The following ZDHHC21 variants were observed in gnomAD, a reference collection of about 807,000 sequenced individuals.
ZDHHC21 encodes the protein palmitoyltransferase ZDHHC21.
ZDHHC21 carries 15 observed loss-of-function variants against 34.6 expected under a neutral mutation model. That is an observed-to-expected ratio of 0.43 (90% CI 0.29 to 0.67). The LOEUF (loss-of-function observed/expected upper bound fraction) is 0.67, where lower values mean the gene tolerates loss of function less well. Among genes scored for constraint, ZDHHC21 ranks in the 30% least tolerant of loss-of-function variants. The pLI is 0.14. For missense variants in ZDHHC21, 344 were observed against 327.7 expected (o/e 1.05, Z -0.38); for synonymous variants, 142 against 101.8 (o/e 1.40, Z -2.38).
chr9:14,679,815 T>C (rs1204509315), intron 3 of ZDHHC21, among the ~76,000 whole-genome samples: 1 of 152,154 alleles, frequency 6.6e-6, no homozygotes, highest in Non-Finnish European at 1.5e-5. Context: ...GAAAGATGTT[T>C]CTGAAACTCA....
chr9:14,638,687 AC>A (rs1387320638), intron 8 of ZDHHC21, among the ~76,000 whole-genome samples: 1 of 151,938 alleles, frequency 6.6e-6, no homozygotes. Context: ...AAAAAAAGGT[AC>A]CATTAAAAAG....
At chr9:14,608,759 G>T (rs1404005465), downstream of ZDHHC21, among the ~76,000 whole-genome samples, 1 of 151,298 alleles carries the variant, frequency 6.6e-6, no homozygotes, top group Non-Finnish European at 1.5e-5. Flanking sequence ...AATTGCTCTT[G>T]CACGCTAATA....
chr9:14,597,587 G>A, the ZDHHC21 span, among the ~76,000 whole-genome samples: 4 of 152,134 alleles, frequency 2.6e-5, no homozygotes, highest in South Asian at 2.1e-4. Flanking sequence ...GTGCCACGCA[G>A]AGGCCTGAGG....
At chr9:14,642,182 A>T (rs1167522673) in intron 7 of ZDHHC21, among the ~76,000 whole-genome samples, 1 of 152,234 alleles carries the variant, frequency 6.6e-6, no homozygotes, top group African/African-American at 2.4e-5. Context: ...TAGTAAAAAA[A>T]CTTTAATCTA....
At chr9:14,659,447 T>G (rs933879836) in intron 6 of ZDHHC21, among the ~76,000 whole-genome samples, 5 of 152,192 alleles carry the variant, frequency 3.3e-5, no homozygotes, top group African/African-American at 1.2e-4. Flanking sequence ...CACACAGCTA[T>G]ACTTCCACCA....
rs368849840 is a variant in ZDHHC21, at chr9:14,637,675, G to A, written c.621+2221C>T. Among the ~76,000 whole-genome samples the A allele has an allele frequency of 8.6e-5, 13 of 151,706 alleles. No individual in the cohort carries two copies. In the South Asian group the frequency reaches 1.2e-3, roughly 15 times the overall value. ...ACTCTTCAATCTGATAATTAAATTC[G>A]GTAAAGTCACAGGATACAAAATCAG... On this transcript the variant is annotated intron_variant, in intron 8 of 9. Coordinates refer to ENST00000380916, the MANE Select transcript of ZDHHC21 (RefSeq NM_178566.6).
intron 8 of ZDHHC21, among the ~76,000 whole-genome samples, chr9:14,637,732 T>C (rs1282854799): frequency 1.3e-5 from 2 of 151,996 alleles, no homozygotes; most frequent in East Asian, 3.9e-4. Flanking sequence ...GTAGCGTTTC[T>C]ATACACCAAT....
chr9:14,594,160 GT>G, the ZDHHC21 span: 1 of 152,140 alleles, frequency 6.6e-6, no homozygotes, highest in Non-Finnish European at 1.5e-5. Context: ...GATGTAGATA[GT>G]TCCTACTATG....
At chr9:14,683,889 G>A (rs1410767129) in intron 2 of ZDHHC21, among the ~76,000 whole-genome samples, 1 of 152,100 alleles carries the variant, frequency 6.6e-6, no homozygotes, top group Non-Finnish European at 1.5e-5. Flanking sequence ...ATGCAAGGCT[G>A]GTTCAACATA....
intron 7 of ZDHHC21, among the ~76,000 whole-genome samples, chr9:14,650,123 T>C (rs1274867438): frequency 1.3e-5 from 2 of 152,008 alleles, no homozygotes; most frequent in Non-Finnish European, 2.9e-5. Flanking sequence ...TTAAGATTTA[T>C]TATAAGGTTT....
chr9:14,603,095 T>C, the ZDHHC21 span, among the ~76,000 whole-genome samples: 1 of 152,086 alleles, frequency 6.6e-6, no homozygotes, highest in Non-Finnish European at 1.5e-5. Context: ...GGTGATTGAA[T>C]ATTCCATATT....
In ZDHHC21 at chr9:14,634,928, A is replaced by C. The variant is rs569192982; in HGVS notation, c.621+4968T>G. Among the ~76,000 whole-genome samples the C allele has an allele frequency of 1.2e-3, 182 of 152,260 alleles. 1 individual carries two copies. The highest frequency in any genetic ancestry group is 4.1e-3 in the African/African-American group (169 of 41,574). On this transcript the variant is annotated intron_variant, in intron 8 of 9. Transcript: ENST00000380916. ...CTCATTGAGATAAAGATAATACAGA[A>C]AATATGAAGCAATTAGAAAAACAAT...
chr9:14,662,596 T>C (rs1833608192), intron 5 of ZDHHC21, among the ~76,000 whole-genome samples: 1 of 152,214 alleles, frequency 6.6e-6, no homozygotes, highest in South Asian at 2.1e-4. Flanking sequence ...TGTATTTGGA[T>C]TCTGGGTATA....
At chr9:14,600,904 G>A in the ZDHHC21 span, among the ~76,000 whole-genome samples, 2 of 152,146 alleles carry the variant, frequency 1.3e-5, no homozygotes, top group African/African-American at 4.8e-5. Context: ...ATGGGGAAAG[G>A]ATTCCCTTTT....
chr9:14,649,067 C>G (rs530941998), intron 7 of ZDHHC21, among the ~76,000 whole-genome samples: 1 of 152,050 alleles, frequency 6.6e-6, no homozygotes, highest in African/African-American at 2.4e-5. Context: ...AGCAGAATCC[C>G]TGGCCTCCAC....
intron 8 of ZDHHC21, among the ~76,000 whole-genome samples, chr9:14,624,170 T>C (rs188871894): frequency 1.3e-5 from 2 of 152,136 alleles, no homozygotes; most frequent in African/African-American, 2.4e-5. Flanking sequence ...TTACGTTGTA[T>C]CGGGTATTAT....
chr9:14,627,972 T>C (rs999324640), intron 8 of ZDHHC21, among the ~76,000 whole-genome samples: 1 of 152,168 alleles, frequency 6.6e-6, no homozygotes, highest in African/African-American at 2.4e-5. Context: ...GTCTAAAAAA[T>C]AATTTGACTA....
At chr9:14,640,206 A>G (rs1220437953) in intron 7 of ZDHHC21, among the ~76,000 whole-genome samples, 194 bp from the exon 8 acceptor site, 1 of 151,750 alleles carries the variant, frequency 6.6e-6, no homozygotes, top group Non-Finnish European at 1.5e-5. Flanking sequence ...TTTAATTTAC[A>G]ATAGCAAGCT....
chr9:14,628,590 A>G (rs1056216022), intron 8 of ZDHHC21, among the ~76,000 whole-genome samples: 9 of 152,260 alleles, frequency 5.9e-5, no homozygotes, highest in Middle Eastern at 3.4e-3. Context: ...AGTAGGGAAA[A>G]AGTAAGACTG....
Sources: gnomAD v4.1 joint callset for allele counts (sites outside exome capture counted in the v4.1 genomes callset) on GRCh38, gnomAD v4.1.1 for gene constraint, MANE v1.5 for transcripts, NCBI Gene and HGNC (gene_info 2026-07-23, HGNC 2026-07-21) for gene names.